Variants in SEPTIN9 observed in about 807,000 individuals in gnomAD.
SEPTIN9 encodes septin 9.
In SEPTIN9, 13 loss-of-function variants were observed where a neutral mutation model predicts 56.6. The observed-to-expected ratio is 0.23, with a 90% CI of 0.15 to 0.37. The LOEUF is 0.37. Among genes scored for constraint, SEPTIN9 ranks in the 10% least tolerant of loss-of-function variants. The pLI, the probability that SEPTIN9 is intolerant of heterozygous loss-of-function variation, is 1.00. For missense variants in SEPTIN9, 650 were observed against 823.1 expected, an observed-to-expected ratio of 0.79 and a Z score of 2.57; for synonymous variants, 332 against 334.1, an observed-to-expected ratio of 0.99 and a Z score of 0.07.
At chr17:77,362,680 C>T (rs866421990) in intron 2 of SEPTIN9, among the ~76,000 whole-genome samples, 5 of 152,174 alleles carry the variant, frequency 3.3e-5, no homozygotes, top group Non-Finnish European at 2.9e-5. Flanking sequence ...GCTGTATGTT[C>T]ACAGGGCTCC....
At chr17:77,359,193 T>C (rs1327236324) in intron 2 of SEPTIN9, among the ~76,000 whole-genome samples, 1 of 152,160 alleles carries the variant, frequency 6.6e-6, no homozygotes, top group African/African-American at 2.4e-5. Flanking sequence ...GGCTGAGCAA[T>C]GTATTCTTCA....
In SEPTIN9 at chr17:77,488,718, C is replaced by T. The variant is rs1469798536; in HGVS notation, c.1125-9C>T. ...TGTGCCTGCTGACTCGTCCCCATCC[C>T]CCACGCAGCTGGCAGCCCATCATGA... is the stretch of plus-strand genomic sequence containing the variant. On this transcript the variant is annotated splice_polypyrimidine_tract_variant and intron_variant, in intron 6 of 11. Transcript: ENST00000427177. 3.7e-6 allele frequency: 6 copies of T among 1,613,494 alleles called. No homozygotes were observed. The highest frequency in any genetic ancestry group is 5.1e-6 in the Non-Finnish European group (6 of 1,179,914).
chr17:77,452,924 T>C (rs935881547), intron 3 of SEPTIN9, among the ~76,000 whole-genome samples: 7 of 150,844 alleles, frequency 4.6e-5, no homozygotes, highest in Admixed American at 6.7e-5. Context: ...CTTGGGTCTC[T>C]TTTAGGCTGA....
intron 2 of SEPTIN9, among the ~76,000 whole-genome samples, chr17:77,350,551 G>A (rs1043182671): frequency 5.3e-5 from 8 of 151,954 alleles, no homozygotes; most frequent in East Asian, 1.9e-4. Context: ...GAGAAATCCC[G>A]TCACTCGCTA....
In SEPTIN9 at chr17:77,434,471, A is replaced by T. The variant is rs1453066631; in HGVS notation, c.721+31768A>T. Among the ~76,000 whole-genome samples the T allele has an allele frequency of 6.6e-6, 1 of 152,122 alleles. No individual in the cohort carries two copies. Among genetic ancestry groups the T allele is most frequent in the Non-Finnish European group, 1.5e-5 (1 of 68,002 alleles). On this transcript the variant is annotated intron_variant, in intron 3 of 11. Coordinates refer to ENST00000427177, the MANE Select transcript of SEPTIN9 (RefSeq NM_001113491.2). The surrounding 1 kb of genome is among the most constrained non-coding windows in gnomAD (Gnocchi z 5.0). ...TTGTCTCGCTAGCATATGAGCCCGT[A>T]CTGCCTCTGAGTCTGCAGCCTGTTT...
chr17:77,291,288 C>T (rs1483562531), intron 1 of SEPTIN9, among the ~76,000 whole-genome samples: 1 of 148,442 alleles, frequency 6.7e-6, no homozygotes, highest in Non-Finnish European at 1.5e-5. Flanking sequence ...CCTGCCTTGG[C>T]CTCCCAAAGT....
At chr17:77,430,270 G>A (rs1345359528) in intron 3 of SEPTIN9, among the ~76,000 whole-genome samples, 3 of 152,304 alleles carry the variant, frequency 2.0e-5, no homozygotes, top group Non-Finnish European at 4.4e-5. Flanking sequence ...TGGAGGCCTT[G>A]AAAGTCCTTG....
chr17:77,426,146 T>C (rs1026460242), intron 3 of SEPTIN9, among the ~76,000 whole-genome samples: 2 of 152,054 alleles, frequency 1.3e-5, no homozygotes, highest in African/African-American at 4.8e-5. Context: ...TCTGGTTGCC[T>C]GGGCCTGAGA....
intron 1 of SEPTIN9, among the ~76,000 whole-genome samples, chr17:77,295,347 G>C (rs746021650): frequency 6.6e-6 from 1 of 152,124 alleles, no homozygotes; most frequent in Non-Finnish European, 1.5e-5. Flanking sequence ...GAGGGAGGAA[G>C]TCCTGTGACC....
At chr17:77,394,594 A>G (rs760128986) in intron 2 of SEPTIN9, among the ~76,000 whole-genome samples, 1 of 152,210 alleles carries the variant, frequency 6.6e-6, no homozygotes, top group Non-Finnish European at 1.5e-5. Flanking sequence ...TGAGCTGCGC[A>G]TGAGATTATT....
chr17:77,410,709 C>T (rs563362079), intron 3 of SEPTIN9, among the ~76,000 whole-genome samples: 3 of 152,310 alleles, frequency 2.0e-5, no homozygotes, highest in African/African-American at 4.8e-5. Flanking sequence ...CTGGGGGATT[C>T]GTGTTAAACA....
Position 77,450,178 on chromosome 17 carries a change from C to A in SEPTIN9, c.722-31966C>A, listed in dbSNP as rs560334960. Among the ~76,000 whole-genome samples, 67 of 152,224 alleles carry A rather than the reference C, an allele frequency of 4.4e-4. 1 individual carries two copies. The highest frequency in any genetic ancestry group is 1.6e-3 in the African/African-American group (65 of 41,532). On this transcript the variant is annotated intron_variant, in intron 3 of 11. Transcript: ENST00000427177. This position sits in a 1 kb window ranked among gnomAD's most constrained non-coding sequence, Gnocchi z 6.0. ...AAAGTTGGCCATGAGGAGTGGGAAG[C>A]GACGGGTCAGATGCCAGTGACTGCT...
In SEPTIN9 at chr17:77,433,745, G is replaced by A. The variant is rs549346195; in HGVS notation, c.721+31042G>A. On this transcript the variant is annotated intron_variant, in intron 3 of 11. Transcript: ENST00000427177. The surrounding 1 kb of genome is among the most constrained non-coding windows in gnomAD (Gnocchi z 6.4). ...CTTCTCCTGCACCTCCCGAACCCCC[G>A]TTCCCTGTGAGTTAGATGGGGAGTG... Among the ~76,000 whole-genome samples, 11 of 152,172 alleles carry A rather than the reference G, an allele frequency of 7.2e-5. No individual in the cohort carries two copies. Among genetic ancestry groups the A allele is most frequent in the African/African-American group, 2.4e-4 (10 of 41,530 alleles).
At chr17:77,497,042 A>G (rs971146066) in intron 10 of SEPTIN9, 3 of 542,062 alleles carry the variant, frequency 5.5e-6, no homozygotes, top group Non-Finnish European at 1.0e-5. Flanking sequence ...TCACTGTGCC[A>G]TCTCCCATTA....
chr17:77,357,914 C>T (rs1376272631), intron 2 of SEPTIN9, among the ~76,000 whole-genome samples: 1 of 152,194 alleles, frequency 6.6e-6, no homozygotes, highest in African/African-American at 2.4e-5. Context: ...CTGTGCGACC[C>T]TCAGCAAATC....
chr17:77,425,101 C>T lies in SEPTIN9; in HGVS notation c.721+22398C>T, dbSNP rs921795550. Among the ~76,000 whole-genome samples the T allele has an allele frequency of 1.3e-5, 2 of 152,170 alleles. No homozygotes were observed. Among genetic ancestry groups the T allele is most frequent in the African/African-American group, 4.8e-5 (2 of 41,414 alleles). ...GGCCAAAGTGAGCTCTGCTCCAGTCCCCCCACCCCCGGGGCTGTTCCTGGC... is the reference window on the plus strand; with the variant it reads ...GGCCAAAGTGAGCTCTGCTCCAGTCTCCCCACCCCCGGGGCTGTTCCTGGC... On this transcript the variant is annotated intron_variant, in intron 3 of 11. Coordinates refer to ENST00000427177, the MANE Select transcript of SEPTIN9 (RefSeq NM_001113491.2). The surrounding 1 kb of genome is among the most constrained non-coding windows in gnomAD (Gnocchi z 4.2).
rs765428958 is a variant in SEPTIN9, at chr17:77,281,559, G to C, written c.19+5G>C. 1.3e-6 allele frequency: 2 copies of C among 1,542,434 alleles called. No individual in the cohort carries two copies. Among genetic ancestry groups the C allele is most frequent in the Non-Finnish European group, 1.7e-6 (2 of 1,144,118 alleles). ...CCATGAAGAAGTCTTACTCAGGTGG[G>C]CTTCGCGCCCGGGGTGGGGAGGGGT... On this transcript the variant is annotated splice_donor_5th_base_variant and intron_variant, in intron 1 of 11. Coordinates refer to ENST00000427177, the MANE Select transcript of SEPTIN9 (RefSeq NM_001113491.2).
Position 77,445,744 on chromosome 17 carries a change from A to C in SEPTIN9, c.722-36400A>C, listed in dbSNP as rs1598387000. 4 of 268,738 alleles carry C rather than the reference A, an allele frequency of 1.5e-5. No homozygotes were observed. The highest frequency in any genetic ancestry group is 2.4e-5 in the Non-Finnish European group (3 of 126,068). 16.6% of individuals were successfully genotyped at this position (268,738 alleles called of 1,614,324 possible). A position where few individuals can be genotyped will look rare whatever the true frequency, so the allele number is the denominator to read the frequency against. ...TGTCCCCTGTGGCTTCCAGAGTGGG[A>C]CCTTGCTGTGGGATAGGCTGGCCAA... is the stretch of plus-strand genomic sequence containing the variant. On this transcript the variant is annotated intron_variant, in intron 3 of 11. Transcript: ENST00000427177. This position sits in a 1 kb window ranked among gnomAD's most constrained non-coding sequence, Gnocchi z 4.7.
intron 2 of SEPTIN9, among the ~76,000 whole-genome samples, chr17:77,363,147 G>C (rs2143860596): frequency 6.6e-6 from 1 of 152,316 alleles, no homozygotes; most frequent in South Asian, 2.1e-4. Context: ...GAAGTGACAG[G>C]TCACATGGTC....
Sources: allele counts gnomAD v4.1 joint callset (sites outside exome capture counted in the v4.1 genomes callset), GRCh38; gene constraint gnomAD v4.1.1; non-coding constraint Gnocchi (gnomAD v3.1); transcripts MANE v1.5; gene names NCBI Gene and HGNC (gene_info 2026-07-23, HGNC 2026-07-21).